The following ABCD2 variants were observed in gnomAD, a reference collection of about 807,000 sequenced individuals.
ABCD2 encodes ATP binding cassette subfamily D member 2, also known as ATP-binding cassette sub-family D member 2.
In ABCD2, 36 loss-of-function variants were observed where a neutral mutation model predicts 70.9. That is an observed-to-expected ratio of 0.51 (90% CI 0.39 to 0.67). ABCD2 has a LOEUF of 0.67. ABCD2 is among the 30% of genes least tolerant of loss of function. ABCD2 has a pLI of 0.00. For synonymous variants in ABCD2, 304 were observed against 306.9 expected (o/e 0.99, Z 0.10); for missense variants, 729 against 890.2 (o/e 0.82, Z 2.30).
the ABCD2 span, among the ~76,000 whole-genome samples, chr12:39,543,278 G>A: frequency 6.6e-6 from 1 of 152,180 alleles, no homozygotes; most frequent in South Asian, 2.1e-4. Flanking sequence ...AGAGAGATGA[G>A]GGAAGCCAGC....
intron 7 of ABCD2, among the ~76,000 whole-genome samples, chr12:39,585,586 G>A (rs1191526183): frequency 6.6e-6 from 1 of 151,998 alleles, no homozygotes; most frequent in Non-Finnish European, 1.5e-5. Flanking sequence ...AACACAGAAA[G>A]AGTATTATTA....
intron 9 of ABCD2, among the ~76,000 whole-genome samples, chr12:39,572,458 TCCTAACTCATGCTGGA>T (rs1173862729): frequency 2.6e-5 from 4 of 152,114 alleles, no homozygotes; most frequent in African/African-American, 9.7e-5. Flanking sequence ...TTGGCATGGA[TCCTAACTCATGCTGGA>T]CTAGATCCAG....
chr12:39,579,223 G>A (rs747959605), intron 8 of ABCD2, among the ~76,000 whole-genome samples: 3 of 152,128 alleles, frequency 2.0e-5, no homozygotes, highest in African/African-American at 4.8e-5. Flanking sequence ...TTAGCCGGGC[G>A]TGGTGGCACA....
intron 6 of ABCD2, among the ~76,000 whole-genome samples, chr12:39,587,096 C>T (rs1160265964): frequency 6.6e-6 from 1 of 151,760 alleles, no homozygotes; most frequent in African/African-American, 2.4e-5. Flanking sequence ...TCTAAAAATA[C>T]AAAAAAAGAT....
chr12:39,557,297 A>G (rs1035827399), intron 9 of ABCD2, among the ~76,000 whole-genome samples: 7 of 152,108 alleles, frequency 4.6e-5, no homozygotes, highest in Non-Finnish European at 8.8e-5. Context: ...AACTTGAGAG[A>G]GATGATTTAG....
chr12:39,566,198 A>G (rs1034173859), intron 9 of ABCD2, among the ~76,000 whole-genome samples: 9 of 152,250 alleles, frequency 5.9e-5, no homozygotes, highest in African/African-American at 1.4e-4. Flanking sequence ...AGTTTCAGAA[A>G]GAATGGTACC....
At chr12:39,573,238 A>T (rs1941472373) in intron 9 of ABCD2, among the ~76,000 whole-genome samples, 1 of 152,100 alleles carries the variant, frequency 6.6e-6, no homozygotes, top group African/African-American at 2.4e-5. Flanking sequence ...AGTTCTAAAA[A>T]AATTTAGCTC....
chr12:39,574,139 A>T (rs1176947949), intron 8 of ABCD2, among the ~76,000 whole-genome samples: 1 of 152,170 alleles, frequency 6.6e-6, no homozygotes, highest in Non-Finnish European at 1.5e-5. Context: ...CAGGTCACTG[A>T]GTACATTTTC....
At chr12:39,532,778 A>C in the ABCD2 span, among the ~76,000 whole-genome samples, 2 of 152,228 alleles carry the variant, frequency 1.3e-5, no homozygotes, top group Non-Finnish European at 2.9e-5. Flanking sequence ...AAAAGAAAAT[A>C]TCTATAATAT....
At chr12:39,544,377 G>A in the ABCD2 span, among the ~76,000 whole-genome samples, 2 of 152,088 alleles carry the variant, frequency 1.3e-5, no homozygotes, top group Non-Finnish European at 2.9e-5. Context: ...TACATGACTC[G>A]TAAACCATAA....
At chr12:39,565,527 G>T (rs1056144032) in intron 9 of ABCD2, among the ~76,000 whole-genome samples, 1 of 152,150 alleles carries the variant, frequency 6.6e-6, no homozygotes, top group Non-Finnish European at 1.5e-5. Flanking sequence ...AGGGGATTTT[G>T]GGCTGAGACA....
intron 6 of ABCD2, 113 bp from the exon 7 acceptor site, chr12:39,586,410 G>A: frequency 9.4e-7 from 1 of 1,058,668 alleles, no homozygotes; most frequent in Non-Finnish European, 1.3e-6. Context: ...TACATTTCCA[G>A]GATGATATTT....
Position 39,617,135 on chromosome 12 carries a change from C to G in ABCD2, c.973G>C (p.Ala325Pro), listed in dbSNP as rs1487656008. The change falls in exon 2 of 10, where the codon GCT becomes CCT. Residue 325 changes from alanine (A) to proline (P), a missense_variant. Around this residue, in one of 3 missense-constraint regions of ABCD2, gnomAD observed 195 missense variants for 300.2 expected, o/e 0.65. Coordinates refer to ENST00000308666, the MANE Select transcript of ABCD2 (RefSeq NM_005164.4). ...EMKQLQKSYK[A>P]LADQMNLILS... ...ATGAGGTTCATCTGATCTGCTAAAGCTTTGTAACTTTTCTGAAGTTGTTTC... is the reference window on the plus strand; with the variant it reads ...ATGAGGTTCATCTGATCTGCTAAAGGTTTGTAACTTTTCTGAAGTTGTTTC... The G allele has an allele frequency of 6.2e-7, 1 of 1,600,250 alleles. No homozygotes were observed. Among genetic ancestry groups the G allele is most frequent in the Admixed American group, 1.7e-5 (1 of 57,510 alleles).
chr12:39,536,085 GT>G, the ABCD2 span, among the ~76,000 whole-genome samples: 1 of 152,050 alleles, frequency 6.6e-6, no homozygotes, highest in African/African-American at 2.4e-5. Flanking sequence ...GTGAGACTCC[GT>G]CTCAAAAATA....
chr12:39,568,919 G>T (rs111770311), intron 9 of ABCD2, among the ~76,000 whole-genome samples: 12,233 of 152,190 alleles, frequency 0.08, 1,671 homozygotes, highest in African/African-American at 0.28. Flanking sequence ...CTGGGTATCA[G>T]CTGTGGAGGC....
chr12:39,557,079 A>C (rs1003150080), intron 9 of ABCD2, among the ~76,000 whole-genome samples: 2 of 152,152 alleles, frequency 1.3e-5, no homozygotes, highest in African/African-American at 4.8e-5. Context: ...GAAGATGGGA[A>C]GATGTGGGAA....
Position 39,619,222 on chromosome 12 carries a change from C to T in ABCD2, c.394G>A (p.Val132Met). 4.3e-6 allele frequency: 7 copies of T among 1,614,076 alleles called. No individual in the cohort carries two copies. Among genetic ancestry groups the T allele is most frequent in the Non-Finnish European group, 5.1e-6 (6 of 1,180,014 alleles). ...GGCTTCTTTTCCACAATGCTTTTCA[C>T]GATTTTTCCATCCAGACCAGCCACA... is the stretch of plus-strand genomic sequence containing the variant. ...IYVAGLDGKIVKSIVEKKPRT... is the reference protein window; with the variant it reads ...IYVAGLDGKIMKSIVEKKPRT... The change falls in exon 1 of 10, where the codon GTG (valine) becomes ATG (methionine). Residue 132 changes from valine (V) to methionine (M), a missense_variant. Val to Met is a conservative substitution (Grantham distance 21). Transcript: ENST00000308666.
rs1941105364 is a variant in ABCD2, at chr12:39,552,729, AAATAAC to A, written c.*1177_*1182del. 1 of 151,938 alleles carries A rather than the reference AAATAAC, an allele frequency of 6.6e-6. No homozygotes were observed. The highest frequency in any genetic ancestry group is 1.5e-5 in the Non-Finnish European group (1 of 67,886). The allele number at this position is 151,938 out of a possible 1,614,324, so 9.4% of individuals were successfully genotyped here. A position where few individuals can be genotyped will look rare whatever the true frequency, so the allele number is the denominator to read the frequency against. On this transcript the variant is annotated 3_prime_UTR_variant, in exon 10 of 10. Transcript: ENST00000308666. ...TTTTCATTTCTTGTAAACAATAACC[AAATAAC>A]AATAAGACTAACATTATGAAATTTA...
the ABCD2 span, among the ~76,000 whole-genome samples, chr12:39,532,481 A>G: frequency 6.6e-6 from 1 of 152,216 alleles, no homozygotes; most frequent in Non-Finnish European, 1.5e-5. Context: ...ACTGGGGACA[A>G]AGGAGACAAA....
Sources: allele counts gnomAD v4.1 joint callset (sites outside exome capture counted in the v4.1 genomes callset), GRCh38; gene constraint gnomAD v4.1.1; regional missense constraint gnomAD v4.1.1; transcripts MANE v1.5; gene names NCBI Gene and HGNC (gene_info 2026-07-23, HGNC 2026-07-21).